SH3D21: variants seen among roughly 807,000 people sequenced by gnomAD.
SH3D21 encodes manchette microtubule inner protein 1, also known as SH3 domain-containing protein 21.
In SH3D21, 83 loss-of-function variants were observed where a neutral mutation model predicts 82.1. That is an observed-to-expected ratio of 1.01 (90% confidence interval 0.85 to 1.21). The LOEUF (loss-of-function observed/expected upper bound fraction) is 1.21. SH3D21 is among the 50% of genes most tolerant of loss of function. The pLI, the probability that SH3D21 is intolerant of heterozygous loss-of-function variation, is 0.00. For missense variants in SH3D21, 980 were observed against 962.1 expected, an observed-to-expected ratio of 1.02 and a Z score of -0.25; for synonymous variants, 383 against 387.8, an observed-to-expected ratio of 0.99 and a Z score of 0.15.
In SH3D21 at chr1:36,307,188, G is replaced by T; in HGVS notation, c.248G>T (p.Arg83Met). 1 of 1,551,756 alleles carries T rather than the reference G, an allele frequency of 6.4e-7. No individual in the cohort carries two copies. The highest frequency in any genetic ancestry group is 8.7e-7 in the Non-Finnish European group (1 of 1,146,990). ...RRRGHPAKHPRPQRWCKVNFS... is the reference protein window; with the variant it reads ...RRRGHPAKHPMPQRWCKVNFS... ...CTAGGTCATCCTGCCAAACACCCGA[G>T]GCCCCAAAGATGGTGCAAAGTGAAC... The change falls in exon 4 of 16, where the codon AGG becomes ATG. Residue 83 changes from arginine (R) to methionine (M), a missense_variant. Transcript: ENST00000453908. The surrounding 1 kb of genome is among the most constrained non-coding windows in gnomAD (Gnocchi z 5.4).
chr1:36,313,973 T>TTTTTTTTTTTTTTTTTTTG lies in SH3D21; in HGVS notation c.769+4401_769+4402insGTTTTTTTTTTTTTTTTTT, dbSNP rs1646292735. Among the ~76,000 whole-genome samples the TTTTTTTTTTTTTTTTTTTG allele has an allele frequency of 1.4e-4, 2 of 14,590 alleles. 1 individual carries two copies. Among genetic ancestry groups the TTTTTTTTTTTTTTTTTTTG allele is most frequent in the Non-Finnish European group, 5.4e-4 (2 of 3,704 alleles). 9.6% of individuals were successfully genotyped at this position (14,590 alleles called of 152,430 possible). A position where few individuals can be genotyped will look rare whatever the true frequency, so the allele number is the denominator to read the frequency against. ...GGCTAATGATGCTGAACATATTTTC[T>TTTTTTTTTTTTTTTTTTTG]TTTTTTTTTTTTTTTTTTTGAGACG... On this transcript the variant is annotated intron_variant, in intron 10 of 15. Transcript: ENST00000453908.
At chr1:36,310,216 A>C (rs1008322917) in intron 10 of SH3D21, among the ~76,000 whole-genome samples, 10 of 152,156 alleles carry the variant, frequency 6.6e-5, no homozygotes, top group Admixed American at 2.0e-4. Flanking sequence ...AGCCTCCCAA[A>C]GTGCTGGGAC....
chr1:36,321,852 C>G, downstream of SH3D21: 1 of 1,022,836 alleles, frequency 9.8e-7, no homozygotes. The surrounding 1 kb of genome is among the most constrained non-coding windows in gnomAD (Gnocchi z 6.1). Flanking sequence ...GGCCTGTGGG[C>G]TTCTGCTTTT....
chr1:36,326,102 G>A (rs1646541589), downstream of SH3D21, among the ~76,000 whole-genome samples: 1 of 152,154 alleles, frequency 6.6e-6, no homozygotes, highest in African/African-American at 2.4e-5. Flanking sequence ...GCAGGAGTAA[G>A]AACATGCTTG....
At chr1:36,315,365 G>T (rs186459321) in intron 10 of SH3D21, among the ~76,000 whole-genome samples, 2 of 151,660 alleles carry the variant, frequency 1.3e-5, no homozygotes, top group Non-Finnish European at 2.9e-5. Context: ...TTTCTTTTGC[G>T]GGGGGAAGGA....
At chr1:36,323,716 G>C (rs1344008603), downstream of SH3D21, 1 of 152,090 alleles carries the variant, frequency 6.6e-6, no homozygotes, top group Admixed American at 6.5e-5. Context: ...GGGGAGAGGA[G>C]CGGGCAGCCG....
At chr1:36,311,848 C>T (rs1646247345) in intron 10 of SH3D21, among the ~76,000 whole-genome samples, 1 of 151,854 alleles carries the variant, frequency 6.6e-6, no homozygotes, top group Admixed American at 6.6e-5. Flanking sequence ...TACAAGCCAC[C>T]ATGTGCAGCT....
chr1:36,308,111 TCCCA>T lies in SH3D21; in HGVS notation c.545_548del (p.His182LeufsTer26), dbSNP rs1301189011. On this transcript the variant is annotated frameshift_variant, in exon 8 of 16. Transcript: ENST00000453908. LOFTEE classifies it high-confidence loss of function. ...ACAGTGGACTGACCTCTTCCCAGTC[TCCCA>T]CCCTGAGGTCTACAGGGTCCTGTTT... 1.3e-6 allele frequency: 2 copies of T among 1,547,550 alleles called. No individual in the cohort carries two copies. The highest frequency in any genetic ancestry group is 4.0e-5 in the Admixed American group (2 of 50,620).
At chr1:36,321,412 C>T (rs1570408909), downstream of SH3D21, 1 of 1,294,212 alleles carries the variant, frequency 7.7e-7, no homozygotes, top group East Asian at 3.2e-5. The surrounding 1 kb of genome is among the most constrained non-coding windows in gnomAD (Gnocchi z 6.1). Flanking sequence ...GTGTCTCCTT[C>T]GGACTCCAGC....
chr1:36,327,699 C>T (rs1646559194), downstream of SH3D21: 1 of 1,201,242 alleles, frequency 8.3e-7, no homozygotes, highest in Non-Finnish European at 1.1e-6. Flanking sequence ...CGCACATTAA[C>T]CAGAGTGCTG....
downstream of SH3D21, chr1:36,323,595 G>C (rs1646506352): frequency 6.6e-6 from 1 of 152,064 alleles, no homozygotes; most frequent in African/African-American, 2.4e-5. Flanking sequence ...CAGCACGGGC[G>C]GGACACGGAC....
In SH3D21 at chr1:36,319,467, G is replaced by A. The variant is rs1272683963; in HGVS notation, c.942G>A (p.Gly314=). 9 of 1,551,552 alleles carry A rather than the reference G, an allele frequency of 5.8e-6. No individual in the cohort carries two copies. The highest frequency in any genetic ancestry group is 7.0e-6 in the Non-Finnish European group (8 of 1,146,994). ...DSGPNGGFQS[G]GSYHPGRKRS... ...GCCCCAATGGTGGCTTCCAAAGTGG[G>A]GGTTCGTATCACCCTGGCCGAAAGC... The change falls in exon 13 of 16, where the codon GGG becomes GGA. Residue 314 remains glycine (G), a synonymous_variant. Coordinates refer to ENST00000453908, the MANE Select transcript of SH3D21 (RefSeq NM_001162530.2).
downstream of SH3D21, chr1:36,328,392 G>A (rs1646564992): frequency 2.0e-5 from 7 of 344,630 alleles, no homozygotes; most frequent in South Asian, 1.6e-4. Flanking sequence ...ACTCACCGGG[G>A]GCCTCCTGAG....
At chr1:36,326,681 G>A (rs968590489), downstream of SH3D21, among the ~76,000 whole-genome samples, 2 of 152,224 alleles carry the variant, frequency 1.3e-5, no homozygotes, top group Non-Finnish European at 1.5e-5. Context: ...AGGGAGGGTG[G>A]TGAGTAGGCT....
chr1:36,326,574 C>T (rs1048010052), downstream of SH3D21, among the ~76,000 whole-genome samples: 24 of 151,992 alleles, frequency 1.6e-4, no homozygotes, highest in African/African-American at 5.8e-4. Flanking sequence ...GCTCCTGGAG[C>T]GTTGAGCAGG....
At chr1:36,324,734 G>A (rs1300967380), downstream of SH3D21, 1 of 152,230 alleles carries the variant, frequency 6.6e-6, no homozygotes, top group Non-Finnish European at 1.5e-5. Context: ...GGGACTCCTG[G>A]GTGTCTTTGT....
chr1:36,306,625 C>T lies in SH3D21; in HGVS notation c.32C>T (p.Ala11Val), dbSNP rs1430947523. MEVLVLAGYR[A>V]QKEDELSLAP... Reference sequence around the variant, plus strand: ...GTCCTCGTCCTGGCCGGATACCGCGCGCAGAAGGAGGACGAGCTGAGTCTG... The same window carrying T: ...GTCCTCGTCCTGGCCGGATACCGCGTGCAGAAGGAGGACGAGCTGAGTCTG... Residue 11 changes from alanine to valine, a missense_variant, in exon 2 of 16, where the codon GCG becomes GTG. By Grantham distance (64) the Ala-to-Val change is moderately conservative. Transcript: ENST00000453908. The surrounding 1 kb of genome is among the most constrained non-coding windows in gnomAD (Gnocchi z 4.5). The T allele has an allele frequency of 7.7e-7, 1 of 1,302,494 alleles. No individual in the cohort carries two copies. The highest frequency in any genetic ancestry group is 2.3e-5 in the Admixed American group (1 of 43,518). The allele number at this position is 1,302,494 out of a possible 1,614,324, so 80.7% of individuals were successfully genotyped here.
At chr1:36,312,285 A>C (rs1646257192) in intron 10 of SH3D21, among the ~76,000 whole-genome samples, 1 of 152,202 alleles carries the variant, frequency 6.6e-6, no homozygotes, top group African/African-American at 2.4e-5. Context: ...GGCCTCCCAA[A>C]GTGCTGGGAT....
chr1:36,310,777 C>A (rs1216321703), intron 10 of SH3D21, among the ~76,000 whole-genome samples: 1 of 152,164 alleles, frequency 6.6e-6, no homozygotes, highest in African/African-American at 2.4e-5. Context: ...ATGGTTCCCC[C>A]AAGTTTTTAA....
Sources: allele counts gnomAD v4.1 joint callset (sites outside exome capture counted in the v4.1 genomes callset), GRCh38; gene constraint gnomAD v4.1.1; non-coding constraint Gnocchi (gnomAD v3.1); transcripts MANE v1.5; gene names NCBI Gene and HGNC (gene_info 2026-07-23, HGNC 2026-07-21).